CCNI: variants seen among roughly 807,000 people sequenced by gnomAD.
CCNI encodes the protein cyclin I.
In CCNI, 14 loss-of-function variants were observed where a neutral mutation model predicts 34.1. That is an observed-to-expected ratio of 0.41 (90% CI 0.27 to 0.64). CCNI has a LOEUF of 0.64. CCNI is among the 30% of genes least tolerant of loss of function. CCNI has a pLI of 0.31. For missense variants in CCNI, 385 were observed against 440.5 expected, an observed-to-expected ratio of 0.87 and a Z score of 1.13; for synonymous variants, 154 against 158.4, an observed-to-expected ratio of 0.97 and a Z score of 0.21.
intron 1 of CCNI, among the ~76,000 whole-genome samples, chr4:77,069,538 C>T (rs1164582403): frequency 6.6e-6 from 1 of 151,238 alleles, no homozygotes; most frequent in East Asian, 1.9e-4. Context: ...GTGCTGCACC[C>T]ATTAACTCAT....
chr4:77,063,621 C>T (rs891920822), intron 2 of CCNI, among the ~76,000 whole-genome samples: 8 of 150,542 alleles, frequency 5.3e-5, no homozygotes, highest in Non-Finnish European at 1.0e-4. Flanking sequence ...ACCCGGGAGG[C>T]GGAGCTTGCA....
At chr4:77,059,696 T>C (rs1353451041) in intron 2 of CCNI, among the ~76,000 whole-genome samples, 1 of 152,090 alleles carries the variant, frequency 6.6e-6, no homozygotes, top group Non-Finnish European at 1.5e-5. Context: ...CCTACAATGG[T>C]ATGGAACACT....
intron 1 of CCNI, among the ~76,000 whole-genome samples, chr4:77,067,790 TA>T (rs375815113): frequency 0.038 from 3,750 of 98,156 alleles, 59 homozygotes; most frequent in South Asian, 0.065. Flanking sequence ...CTTCTAGGTT[TA>T]AAAAAAAAAA....
At chr4:77,053,379 GTGAA>G (rs1325956943) in intron 6 of CCNI, among the ~76,000 whole-genome samples, 1 of 152,126 alleles carries the variant, frequency 6.6e-6, no homozygotes, top group African/African-American at 2.4e-5. Context: ...AATAAAGGAG[GTGAA>G]TGAAATAACT....
intron 6 of CCNI, among the ~76,000 whole-genome samples, chr4:77,048,921 T>G (rs1727637685): frequency 6.6e-6 from 1 of 151,506 alleles, no homozygotes; most frequent in Non-Finnish European, 1.5e-5. Context: ...ATGCTGAACA[T>G]TTACATGAGA....
chr4:77,051,230 G>A (rs1405269266), intron 6 of CCNI, among the ~76,000 whole-genome samples: 2 of 152,142 alleles, frequency 1.3e-5, no homozygotes, highest in Non-Finnish European at 2.9e-5. Context: ...CCATGGATAT[G>A]GAGAGCCAAC....
intron 1 of CCNI, 87 bp from the exon 2 acceptor site, chr4:77,066,492 T>C (rs527854850): frequency 2.1e-6 from 2 of 937,990 alleles, no homozygotes; most frequent in East Asian, 5.4e-5. Flanking sequence ...TAAAACAAAA[T>C]AAGAATGCTA....
At chr4:77,051,722 C>A (rs1727853916) in intron 6 of CCNI, among the ~76,000 whole-genome samples, 1 of 152,170 alleles carries the variant, frequency 6.6e-6, no homozygotes, top group South Asian at 2.1e-4. Flanking sequence ...AAACTCTCGA[C>A]ACCAGACAAG....
chr4:77,054,480 G>GA (rs1353268389), intron 6 of CCNI, among the ~76,000 whole-genome samples: 7 of 152,204 alleles, frequency 4.6e-5, no homozygotes, highest in Non-Finnish European at 1.0e-4. Flanking sequence ...GACATGAATA[G>GA]AACCAGTAAG....
chr4:77,059,478 CAAT>C (rs1458808280), intron 2 of CCNI, among the ~76,000 whole-genome samples: 15 of 151,334 alleles, frequency 9.9e-5, no homozygotes, highest in African/African-American at 3.1e-4. Flanking sequence ...ATTAAAACAA[CAAT>C]GTTTTGTGTT....
Position 77,048,246 on chromosome 4 carries a change from T to C in CCNI, c.1107A>G (p.Pro369=), listed in dbSNP as rs747244236. ...ACATGACAGAAACAGGCTGCAAAGG[T>C]GGACAAGGGGAAGCATGTCCCTCTT... is the stretch of plus-strand genomic sequence containing the variant. ...SRQEGHASPC[P]PLQPVSVM Residue 369 remains proline (P), a synonymous_variant, in exon 7 of 7, where the codon CCA becomes CCG. Transcript: ENST00000237654. 59 of 1,613,914 alleles carry C rather than the reference T, an allele frequency of 3.7e-5. No individual in the cohort carries two copies. In the South Asian group the frequency reaches 6.4e-4, roughly 17 times the overall value.
rs563858376 is a variant in CCNI, at chr4:77,063,426, C to T, written c.114+2823G>A. On this transcript the variant is annotated intron_variant, in intron 2 of 6. Coordinates refer to ENST00000237654, the MANE Select transcript of CCNI (RefSeq NM_006835.3). ...ACTAGAATAGAGAAGGTGCTGGGTG[C>T]GGTGGCTCATGCCTGTAATCCCAGC... 1.4e-3 allele frequency among the ~76,000 whole-genome samples: 204 copies of T among 148,038 alleles called. 1 individual carries two copies. Among genetic ancestry groups the T allele is most frequent in the African/African-American group, 4.6e-3 (184 of 40,242 alleles).
At chr4:77,054,373 G>A (rs1728069721) in intron 6 of CCNI, among the ~76,000 whole-genome samples, 2 of 152,068 alleles carry the variant, frequency 1.3e-5, no homozygotes, top group Non-Finnish European at 2.9e-5. Context: ...AGAATAAATA[G>A]CCATATAAAG....
intron 6 of CCNI, among the ~76,000 whole-genome samples, chr4:77,052,196 CT>C (rs1727900997): frequency 6.6e-6 from 1 of 151,722 alleles, no homozygotes; most frequent in African/African-American, 2.4e-5. Flanking sequence ...TTAGCTCCCA[CT>C]TGTGAGAACG....
chr4:77,066,289 T>G lies in CCNI; in HGVS notation c.74A>C (p.Gln25Pro). 6.2e-7 allele frequency: 1 copy of G among 1,614,116 alleles called. No individual in the cohort carries two copies. Among genetic ancestry groups the G allele is most frequent in the East Asian group, 2.2e-5 (1 of 44,864 alleles). ...LLEKAITREA[Q>P]MWKVNVRKMP... ...TTTCCGCACATTCACTTTCCACATC[T>G]GTGCTTCCCTAGTGATTGCCTTTTC... Residue 25 changes from glutamine to proline, a missense_variant, in exon 2 of 7, where the codon CAG becomes CCG. By Grantham distance (76) the Gln-to-Pro change is moderately conservative. This residue lies in a region of CCNI where 135 missense variants were observed against 191.8 expected (regional missense o/e 0.70). Transcript: ENST00000237654.
chr4:77,069,595 C>T (rs1327293124), intron 1 of CCNI, among the ~76,000 whole-genome samples: 1 of 114,026 alleles, frequency 8.8e-6, no homozygotes, highest in Non-Finnish European at 1.7e-5. Flanking sequence ...CCCCCTCCCC[C>T]CACCCCACAA....
chr4:77,050,348 T>C lies in CCNI; in HGVS notation c.691-1686A>G, dbSNP rs78584631. ...AACCTGCAGCACTCACCATGACTGT[T>C]TGCAATACCACAGAGAAAATAGGGG... is the stretch of plus-strand genomic sequence containing the variant. On this transcript the variant is annotated intron_variant, in intron 6 of 6. Coordinates refer to ENST00000237654, the MANE Select transcript of CCNI (RefSeq NM_006835.3). Among the ~76,000 whole-genome samples, 504 of 152,274 alleles carry C rather than the reference T, an allele frequency of 3.3e-3. 3 individuals are homozygous for C. Among genetic ancestry groups the C allele is most frequent in the African/African-American group, 0.012 (479 of 41,538 alleles).
At chr4:77,048,961 T>C (rs1727641343) in intron 6 of CCNI, among the ~76,000 whole-genome samples, 1 of 125,772 alleles carries the variant, frequency 8.0e-6, no homozygotes, top group African/African-American at 3.5e-5. Flanking sequence ...ATCCAACGTC[T>C]GTTTTTTTTT....
In CCNI at chr4:77,075,655, G is replaced by GGGCGCT. The variant is rs949846714; in HGVS notation, c.-233_-228dup. The GGGCGCT allele has an allele frequency of 1.7e-5, 12 of 712,372 alleles. No homozygotes were observed. The Admixed American group carries it at 3.3e-4, about 19-fold the overall frequency. 44.1% of individuals were successfully genotyped at this position (712,372 alleles called of 1,614,324 possible). A position where few individuals can be genotyped will look rare whatever the true frequency, so the allele number is the denominator to read the frequency against. ...GAAGCGGATCGGGGGGCGCGGGCGC[G>GGGCGCT]GGCGCTGGCGCTCGAGCGGGACGCA... is the stretch of plus-strand genomic sequence containing the variant. On this transcript the variant is annotated 5_prime_UTR_variant, in exon 1 of 7. Coordinates refer to ENST00000237654, the MANE Select transcript of CCNI (RefSeq NM_006835.3).
Sources: allele counts gnomAD v4.1 joint callset (sites outside exome capture counted in the v4.1 genomes callset), GRCh38; gene constraint gnomAD v4.1.1; regional missense constraint gnomAD v4.1.1; transcripts MANE v1.5; gene names NCBI Gene and HGNC (gene_info 2026-07-23, HGNC 2026-07-21).